PTPRJ: variants seen among roughly 807,000 people sequenced by gnomAD.
PTPRJ encodes receptor-type tyrosine-protein phosphatase eta.
PTPRJ carries 129 observed loss-of-function variants against 141.3 expected under a neutral mutation model. The ratio of observed to expected loss-of-function variants is 0.91; its 90% CI spans 0.79 to 1.06. The LOEUF (loss-of-function observed/expected upper bound fraction) is 1.06, where lower values mean the gene tolerates loss of function less well. PTPRJ is among the 50% of genes least tolerant of loss of function. The pLI is 0.00. For missense variants in PTPRJ, 1,601 were observed against 1,679.7 expected (o/e 0.95, Z 0.82); for synonymous variants, 610 against 640.5 (o/e 0.95, Z 0.72).
At chr11:48,146,343 C>G (rs970976772) in intron 14 of PTPRJ, among the ~76,000 whole-genome samples, 4 of 152,186 alleles carry the variant, frequency 2.6e-5, no homozygotes, top group Non-Finnish European at 5.9e-5. Flanking sequence ...GGCTAATGGA[C>G]TGGCTGGTTT....
At chr11:48,046,628 T>C (rs1396867996) in intron 1 of PTPRJ, among the ~76,000 whole-genome samples, 1 of 151,986 alleles carries the variant, frequency 6.6e-6, no homozygotes, top group Non-Finnish European at 1.5e-5. Context: ...GAGAGGGTGA[T>C]GATTAGGGTT....
chr11:48,167,496 G>A lies in PTPRJ; in HGVS notation c.*134G>A, dbSNP rs1345797583. The stretch of plus-strand genomic sequence containing the variant: ...TCTGTTTTGTGAGAACTAATTTTGA[G>A]GGCATGAAGCTGCATATGATAGATG... On this transcript the variant is annotated 3_prime_UTR_variant, in exon 25 of 25. Transcript: ENST00000418331. 2.7e-6 allele frequency: 3 copies of A among 1,112,578 alleles called. No homozygotes were observed. The highest frequency in any genetic ancestry group is 5.3e-5 in the East Asian group (2 of 38,068). 68.9% of individuals were successfully genotyped at this position (1,112,578 alleles called of 1,614,324 possible). A position where few individuals can be genotyped will look rare whatever the true frequency, so the allele number is the denominator to read the frequency against.
rs536261937 is a variant in PTPRJ at position 48,033,823 on chromosome 11, C to T, written c.96+52815C>T. Among the ~76,000 whole-genome samples the T allele has an allele frequency of 3.0e-4, 46 of 152,248 alleles. No individual in the cohort carries two copies. The South Asian group carries it at 8.9e-3, about 29-fold the overall frequency. On this transcript the variant is annotated intron_variant, in intron 1 of 24. Coordinates refer to ENST00000418331, the MANE Select transcript of PTPRJ (RefSeq NM_002843.4). ...TGTTTGGACCACCTGTGATCCAAGGCGGGAACTAGGAAGACACCTACCGGA... is the reference window on the plus strand; with the variant it reads ...TGTTTGGACCACCTGTGATCCAAGGTGGGAACTAGGAAGACACCTACCGGA...
At chr11:48,044,269 T>C (rs930731791) in intron 1 of PTPRJ, among the ~76,000 whole-genome samples, 8 of 152,186 alleles carry the variant, frequency 5.3e-5, no homozygotes, top group African/African-American at 1.9e-4. Context: ...CAGCTGGACA[T>C]AGAGTTGACT....
intron 1 of PTPRJ, among the ~76,000 whole-genome samples, chr11:48,090,941 C>G (rs1434331617): frequency 2.6e-5 from 4 of 152,160 alleles, no homozygotes; most frequent in African/African-American, 9.7e-5. Context: ...CCAGCCTGCC[C>G]CACTCCAAAG....
chr11:48,022,680 T>A (rs1422419869), intron 1 of PTPRJ, among the ~76,000 whole-genome samples: 1 of 152,022 alleles, frequency 6.6e-6, no homozygotes, highest in East Asian at 1.9e-4. Flanking sequence ...GGGGTGGATG[T>A]GGGGGTAGTG....
rs1196744282 is a variant in PTPRJ at position 48,142,688 on chromosome 11, G to T, written c.2444-231G>T. Among the ~76,000 whole-genome samples the T allele has an allele frequency of 2.0e-5, 3 of 152,190 alleles. No individual in the cohort carries two copies. In the East Asian group the frequency reaches 5.8e-4, roughly 29 times the overall value. ...GGTGCCTGCCCTGGGGATTTGGCTG[G>T]ATGCCCTGAAGGGGTCATTGTGAGC... On this transcript the variant is annotated intron_variant, in intron 11 of 24. Transcript: ENST00000418331.
At chr11:48,109,736 G>A (rs1049848130) in intron 1 of PTPRJ, among the ~76,000 whole-genome samples, 3 of 151,912 alleles carry the variant, frequency 2.0e-5, no homozygotes, top group African/African-American at 7.3e-5. Flanking sequence ...ACAGTGGGTG[G>A]AGGGAGGTGC....
At chr11:48,065,139 C>G (rs774042959) in intron 1 of PTPRJ, among the ~76,000 whole-genome samples, 1 of 151,082 alleles carries the variant, frequency 6.6e-6, no homozygotes, top group Non-Finnish European at 1.5e-5. Context: ...CTCAGCCTCC[C>G]GAGTAGCTGG....
chr11:48,076,924 A>G (rs1414705571), intron 1 of PTPRJ, among the ~76,000 whole-genome samples: 3 of 151,726 alleles, frequency 2.0e-5, no homozygotes, highest in African/African-American at 7.3e-5. Context: ...CTGGAGTGCA[A>G]TGGCGCCATC....
At position 48,137,273 on chromosome 11, in the gene PTPRJ, T is replaced by G; in HGVS notation, c.2144T>G (p.Phe715Cys). 1 of 1,613,890 alleles carries G rather than the reference T, an allele frequency of 6.2e-7. No individual in the cohort carries two copies. The change falls in exon 10 of 25, where the codon TTC (phenylalanine) becomes TGC (cysteine). Residue 715 changes from phenylalanine (F) to cysteine (C), a missense_variant. Phe to Cys is a radical substitution (Grantham distance 205). Coordinates refer to ENST00000418331, the MANE Select transcript of PTPRJ (RefSeq NM_002843.4). ...TCACTGGAACCTGGCCGGAAGTCAT[T>G]CTGTACAGGTGAGTGTAGCCCCAAC... ...IKSLEPGRKS[F>C]CTDPASMASF...
intron 1 of PTPRJ, among the ~76,000 whole-genome samples, chr11:48,052,879 A>C (rs1218178886): frequency 1.3e-5 from 2 of 151,448 alleles, no homozygotes; most frequent in Non-Finnish European, 2.9e-5. Flanking sequence ...CCACCACCTC[A>C]CTATGCAGTA....
intron 12 of PTPRJ, among the ~76,000 whole-genome samples, chr11:48,143,734 C>T (rs1857285584): frequency 6.6e-6 from 1 of 151,596 alleles, no homozygotes; most frequent in African/African-American, 2.4e-5. Context: ...TTGCATAAGG[C>T]CTAGATTTAA....
chr11:48,054,292 G>A (rs79747301), intron 1 of PTPRJ, among the ~76,000 whole-genome samples: 3,100 of 152,274 alleles, frequency 0.02, 114 homozygotes, highest in African/African-American at 0.072. Context: ...CTTGGACAGG[G>A]GGCCCCATTG....
intron 18 of PTPRJ, among the ~76,000 whole-genome samples, chr11:48,151,603 C>G (rs919466977): frequency 7.8e-6 from 1 of 128,274 alleles, no homozygotes; most frequent in Non-Finnish European, 1.6e-5. Flanking sequence ...ATCCCTCCCC[C>G]CACCCCATGA....
In PTPRJ at chr11:48,153,875, A is replaced by G; in HGVS notation, c.3218A>G (p.Asn1073Ser). Reference protein sequence around the residue: ...AENRGKNRYNNVLPYDISRVK... With the variant: ...AENRGKNRYNSVLPYDISRVK... ...AATAGAGGAAAGAATCGCTATAATA[A>G]TGTTCTGCCCTGTAAGTTATTTTAT... Residue 1073 changes from asparagine to serine, a missense_variant, in exon 19 of 25, where the codon AAT becomes AGT. Coordinates refer to ENST00000418331, the MANE Select transcript of PTPRJ (RefSeq NM_002843.4). The G allele has an allele frequency of 1.2e-6, 2 of 1,610,642 alleles. No homozygotes were observed. Among genetic ancestry groups the G allele is most frequent in the Non-Finnish European group, 1.7e-6 (2 of 1,176,926 alleles).
chr11:48,055,197 A>AAAT (rs1555037224), intron 1 of PTPRJ, among the ~76,000 whole-genome samples: 3,626 of 151,964 alleles, frequency 0.024, 139 homozygotes, highest in African/African-American at 0.083. Flanking sequence ...AAATAAAAAA[A>AAAT]AAATAAATAA....
intron 1 of PTPRJ, among the ~76,000 whole-genome samples, chr11:48,050,086 C>T (rs1854524463): frequency 6.6e-6 from 1 of 152,150 alleles, no homozygotes; most frequent in Non-Finnish European, 1.5e-5. Context: ...TTCCGTAAAG[C>T]TGTGGATGAA....
At chr11:48,089,050 G>A (rs968722585) in intron 1 of PTPRJ, among the ~76,000 whole-genome samples, 25 of 8,212 alleles carry the variant, frequency 3.0e-3, no homozygotes, top group African/African-American at 4.6e-3. Context: ...CGTGCTGTGC[G>A]CCAGGAGGGC....
Sources: gnomAD v4.1 joint callset for allele counts (sites outside exome capture counted in the v4.1 genomes callset) on GRCh38, gnomAD v4.1.1 for gene constraint, MANE v1.5 for transcripts, NCBI Gene and HGNC (gene_info 2026-07-23, HGNC 2026-07-21) for gene names.